The following CTNNA3 variants were observed in gnomAD, a reference collection of about 807,000 sequenced individuals.
CTNNA3 encodes the protein catenin alpha-3.
CTNNA3 carries 76 observed loss-of-function variants against 95.7 expected under a neutral mutation model. The observed-to-expected ratio is 0.79, with a 90% CI of 0.66 to 0.96. The LOEUF is 0.96. CTNNA3 is among the 40% of genes least tolerant of loss of function. The pLI is 0.00. For synonymous variants in CTNNA3, 431 were observed against 374.4 expected, an observed-to-expected ratio of 1.15 and a Z score of -1.74; for missense variants, 1,191 against 1,089.8, an observed-to-expected ratio of 1.09 and a Z score of -1.31.
intron 5 of CTNNA3, among the ~76,000 whole-genome samples, chr10:67,363,767 A>G (rs986660931): frequency 2.0e-5 from 3 of 152,224 alleles, no homozygotes; most frequent in Admixed American, 2.0e-4. Context: ...TCCCAAGACT[A>G]AACCAGGAAG....
At chr10:67,048,225 G>GA (rs1854871013) in intron 7 of CTNNA3, among the ~76,000 whole-genome samples, 1 of 152,002 alleles carries the variant, frequency 6.6e-6, no homozygotes, top group Non-Finnish European at 1.5e-5. Flanking sequence ...CCCTACTCAT[G>GA]AAAAATCATT....
chr10:67,237,890 G>C (rs752717881), intron 5 of CTNNA3, among the ~76,000 whole-genome samples: 4 of 152,178 alleles, frequency 2.6e-5, no homozygotes, highest in Non-Finnish European at 5.9e-5. Context: ...CAATAACCCA[G>C]GTCTGGGAAA....
chr10:66,562,112 G>T (rs755797755), intron 10 of CTNNA3, among the ~76,000 whole-genome samples: 1 of 152,012 alleles, frequency 6.6e-6, no homozygotes, highest in East Asian at 1.9e-4. Flanking sequence ...TTATACACAC[G>T]TGCATACATA....
chr10:66,519,178 A>C (rs1185133101), intron 11 of CTNNA3, among the ~76,000 whole-genome samples: 1 of 152,156 alleles, frequency 6.6e-6, no homozygotes, highest in Admixed American at 6.6e-5. Flanking sequence ...AAAAAAGACG[A>C]AAATGTGTTC....
At chr10:66,790,309 C>T (rs190803689) in intron 7 of CTNNA3, among the ~76,000 whole-genome samples, 87 of 152,058 alleles carry the variant, frequency 5.7e-4, no homozygotes, top group African/African-American at 2.1e-3. Flanking sequence ...AATTACCAGG[C>T]GTGGTGGTGC....
intron 13 of CTNNA3, among the ~76,000 whole-genome samples, chr10:66,143,285 C>T (rs866483718): frequency 1.8e-4 from 28 of 152,064 alleles, no homozygotes; most frequent in Middle Eastern, 3.4e-3. Context: ...AAGCAATAGC[C>T]GCTGAAATAG....
intron 7 of CTNNA3, among the ~76,000 whole-genome samples, chr10:67,070,691 G>A (rs1001634303): frequency 1.3e-5 from 2 of 151,646 alleles, no homozygotes; most frequent in African/African-American, 4.8e-5. Context: ...AGGTTGCAGG[G>A]AGCTGAGGTC....
At chr10:66,043,956 C>CTGTGTGTGTGTG (rs59559225) in intron 15 of CTNNA3, among the ~76,000 whole-genome samples, 561 of 144,450 alleles carry the variant, frequency 3.9e-3, no homozygotes, top group Non-Finnish European at 6.0e-3. Context: ...TAGGACTATG[C>CTGTGTGTGTGTG]TGTGTGTGTG....
chr10:66,043,592 C>T lies in CTNNA3; in HGVS notation c.2159+25716G>A, dbSNP rs148367983. Among the ~76,000 whole-genome samples the T allele has an allele frequency of 2.5e-3, 376 of 152,112 alleles. 5 individuals carry two copies. Among genetic ancestry groups the T allele is most frequent in the African/African-American group, 8.5e-3 (354 of 41,494 alleles). On this transcript the variant is annotated intron_variant, in intron 15 of 17. Transcript: ENST00000433211. The stretch of plus-strand genomic sequence containing the variant: ...TGACCTCTTACAGTGTATGATTATA[C>T]GAAGAGAAAAAATGGAAGAAAAGCA...
intron 7 of CTNNA3, among the ~76,000 whole-genome samples, chr10:66,967,147 G>C (rs1231091947): frequency 6.6e-6 from 1 of 151,956 alleles, no homozygotes; most frequent in Non-Finnish European, 1.5e-5. Context: ...GCAAAAAATA[G>C]ACTATTTTTC....
At chr10:66,268,191 C>G (rs561460808) in intron 13 of CTNNA3, among the ~76,000 whole-genome samples, 1 of 151,902 alleles carries the variant, frequency 6.6e-6, no homozygotes, top group Admixed American at 6.6e-5. Flanking sequence ...AATATTATTC[C>G]TCATCTCACA....
At chr10:66,918,746 A>C (rs1846625887) in intron 7 of CTNNA3, among the ~76,000 whole-genome samples, 1 of 152,228 alleles carries the variant, frequency 6.6e-6, no homozygotes, top group Non-Finnish European at 1.5e-5. Context: ...ATTAGGTATA[A>C]TAATGCTAGA....
At chr10:67,268,328 T>TTAAAC (rs1866913315) in intron 5 of CTNNA3, among the ~76,000 whole-genome samples, 1 of 149,242 alleles carries the variant, frequency 6.7e-6, no homozygotes, top group African/African-American at 2.5e-5. Context: ...TTAAATTAAA[T>TTAAAC]TAAATTAAAT....
chr10:67,349,477 C>A (rs1267457620), intron 5 of CTNNA3, among the ~76,000 whole-genome samples: 1 of 152,088 alleles, frequency 6.6e-6, no homozygotes, highest in Non-Finnish European at 1.5e-5. Context: ...CATGATTCCA[C>A]CTATATGAAG....
At chr10:67,195,917 T>TA (rs1198784827) in intron 6 of CTNNA3, among the ~76,000 whole-genome samples, 7 of 152,104 alleles carry the variant, frequency 4.6e-5, no homozygotes, top group African/African-American at 1.4e-4. Flanking sequence ...CTAAAAATCT[T>TA]ACACCTATTC....
In CTNNA3 at chr10:66,266,018, AAAAG is replaced by A. The variant is rs200169184; in HGVS notation, c.1884+14448_1884+14451del. Among the ~76,000 whole-genome samples the A allele has an allele frequency of 7.0e-3, 1,064 of 151,556 alleles. 13 individuals are homozygous for A. Among genetic ancestry groups the A allele is most frequent in the African/African-American group, 0.024 (994 of 41,238 alleles). ...AAAAAGACAATAAATGGATAAAAGAAAAAGAAAGAAAGGAAGGAGGGAGAGAGGG... is the reference window on the plus strand; with the variant it reads ...AAAAAGACAATAAATGGATAAAAGAAAAAGAAAGGAAGGAGGGAGAGAGGG... On this transcript the variant is annotated intron_variant, in intron 13 of 17. Transcript: ENST00000433211.
chr10:66,591,367 T>C (rs1224495570), intron 10 of CTNNA3, among the ~76,000 whole-genome samples: 1 of 152,156 alleles, frequency 6.6e-6, no homozygotes, highest in Non-Finnish European at 1.5e-5. Flanking sequence ...ATTAAGTACC[T>C]TCATAATTAA....
At chr10:67,160,350 C>A (rs1412030446) in intron 7 of CTNNA3, among the ~76,000 whole-genome samples, 1 of 151,614 alleles carries the variant, frequency 6.6e-6, no homozygotes, top group African/African-American at 2.4e-5. Context: ...ACTATATGAT[C>A]CAGCAATCCC....
chr10:66,635,338 G>T (rs1188943559), intron 9 of CTNNA3, among the ~76,000 whole-genome samples: 2 of 152,080 alleles, frequency 1.3e-5, no homozygotes, highest in Non-Finnish European at 2.9e-5. Flanking sequence ...GAATAAATAT[G>T]AAGCATGCAG....
Sources: gnomAD v4.1 joint callset for allele counts (sites outside exome capture counted in the v4.1 genomes callset) on GRCh38, gnomAD v4.1.1 for gene constraint, MANE v1.5 for transcripts, NCBI Gene and HGNC (gene_info 2026-07-23, HGNC 2026-07-21) for gene names.